NQO1: variants seen among roughly 807,000 people sequenced by gnomAD.
NQO1 encodes NAD(P)H dehydrogenase [quinone] 1.
NQO1 carries 30 observed loss-of-function variants against 32.1 expected under a neutral mutation model. That is an observed-to-expected ratio of 0.94 (90% CI 0.70 to 1.27). The LOEUF (loss-of-function observed/expected upper bound fraction) is 1.27. NQO1 is among the 50% of genes most tolerant of loss of function. NQO1 has a pLI of 0.00. For missense variants in NQO1, 276 were observed against 331.3 expected (o/e 0.83, Z 1.30); for synonymous variants, 109 against 119.7 (o/e 0.91, Z 0.59).
Position 69,710,071 on chromosome 16 carries a change from G to A in NQO1, c.*905C>T, listed in dbSNP as rs1293269514. On this transcript the variant is annotated 3_prime_UTR_variant, in exon 6 of 6. Coordinates refer to ENST00000320623, the MANE Select transcript of NQO1 (RefSeq NM_000903.3). ...GCAAGGGCCAGGTGTGGTGGATCAC[G>A]CCTGTAATCCCAGCACTTTGGGAGG... 1 of 278,334 alleles carries A rather than the reference G, an allele frequency of 3.6e-6. No homozygotes were observed. The highest frequency in any genetic ancestry group is 6.6e-6 in the Non-Finnish European group (1 of 150,692). The allele number at this position is 278,334 out of a possible 1,614,324, so 17.2% of individuals were successfully genotyped here. A position where few individuals can be genotyped will look rare whatever the true frequency, so the allele number is the denominator to read the frequency against.
rs1182699873 is a variant in NQO1, at chr16:69,709,927, A to G, written c.*1049T>C. ...AATTTGTATAGATCAGAAATAAAGTATTTTTTGTGGAAGACTATTTTTAAG... is the reference window on the plus strand; with the variant it reads ...AATTTGTATAGATCAGAAATAAAGTGTTTTTTGTGGAAGACTATTTTTAAG... On this transcript the variant is annotated 3_prime_UTR_variant, in exon 6 of 6. Coordinates refer to ENST00000320623, the MANE Select transcript of NQO1 (RefSeq NM_000903.3). 1.0e-5 allele frequency: 4 copies of G among 397,880 alleles called. No homozygotes were observed. Among genetic ancestry groups the G allele is most frequent in the Non-Finnish European group, 1.8e-5 (4 of 225,774 alleles). 24.6% of individuals were successfully genotyped at this position (397,880 alleles called of 1,614,324 possible). A position where few individuals can be genotyped will look rare whatever the true frequency, so the allele number is the denominator to read the frequency against.
chr16:69,717,990 A>T, intron 3 of NQO1, 133 bp downstream of exon 3: 1 of 1,253,312 alleles, frequency 8.0e-7, no homozygotes, highest in Non-Finnish European at 1.1e-6. Context: ...CTGCACCTTT[A>T]AAGTAATCAC....
At chr16:69,714,903 C>G in intron 4 of NQO1, 61 bp downstream of exon 4, 1 of 1,146,892 alleles carries the variant, frequency 8.7e-7, no homozygotes. Flanking sequence ...AACAAACACC[C>G]CTGCATCAGG....
At chr16:69,714,327 C>T (rs1227087364) in intron 4 of NQO1, among the ~76,000 whole-genome samples, 3 of 151,032 alleles carry the variant, frequency 2.0e-5, no homozygotes, top group African/African-American at 7.3e-5. Flanking sequence ...CCCGCCACCA[C>T]ACCCAGCTAA....
At chr16:69,713,685 C>T (rs1366271102) in intron 4 of NQO1, among the ~76,000 whole-genome samples, 1 of 151,640 alleles carries the variant, frequency 6.6e-6, no homozygotes, top group Non-Finnish European at 1.5e-5. Context: ...TTCTCTGGAG[C>T]GTTTTATTTT....
intron 1 of NQO1, among the ~76,000 whole-genome samples, chr16:69,723,695 G>A (rs1025306532): frequency 7.2e-5 from 11 of 151,868 alleles, no homozygotes; most frequent in Non-Finnish European, 1.2e-4. Context: ...CCAGCTAATC[G>A]GGAGGCTGAG....
At chr16:69,720,959 C>T (rs1270319648) in intron 1 of NQO1, among the ~76,000 whole-genome samples, 1 of 151,880 alleles carries the variant, frequency 6.6e-6, no homozygotes, top group Admixed American at 6.6e-5. Flanking sequence ...CAGGTCACTG[C>T]AGCCTTGACC....
intron 1 of NQO1, among the ~76,000 whole-genome samples, chr16:69,720,570 GC>G (rs2038176218): frequency 6.7e-6 from 1 of 149,012 alleles, no homozygotes; most frequent in African/African-American, 2.5e-5. Flanking sequence ...TCACTCTGTT[GC>G]CCAGGCTGGA....
At chr16:69,715,722 C>T (rs577770282) in intron 3 of NQO1, among the ~76,000 whole-genome samples, 10 of 152,262 alleles carry the variant, frequency 6.6e-5, no homozygotes, top group Admixed American at 3.3e-4. Context: ...GAGCCGAGAT[C>T]GTGCCACTGC....
chr16:69,726,302 GT>G, intron 1 of NQO1, 130 bp downstream of exon 1: 1 of 1,284,688 alleles, frequency 7.8e-7, no homozygotes, highest in Non-Finnish European at 1.1e-6. Context: ...CTCATCCCAG[GT>G]CCCTAATCTC....
chr16:69,715,153 G>A lies in NQO1; in HGVS notation c.304-76C>T, dbSNP rs557832488. On this transcript the variant is annotated intron_variant, in intron 3 of 5. Transcript: ENST00000320623. ...AGAAGGTGGCTCGGAGTGCTGAGCCGCTCCCCATGATGGCACTGTGTGGGA... is the reference window on the plus strand; with the variant it reads ...AGAAGGTGGCTCGGAGTGCTGAGCCACTCCCCATGATGGCACTGTGTGGGA... The A allele has an allele frequency of 5.9e-4, 599 of 1,019,512 alleles. 4 individuals are homozygous for A. The highest frequency in any genetic ancestry group is 4.5e-3 in the South Asian group (352 of 78,676). 63.2% of individuals were successfully genotyped at this position (1,019,512 alleles called of 1,614,324 possible).
Position 69,718,492 on chromosome 16 carries a change from G to A in NQO1, c.50C>T (p.Ser17Phe). ...LIVLAHSERT[S>F]FNYAMKEAAA... Reference sequence around the variant, plus strand: ...AGCCTCCTTCATGGCATAGTTGAAGGACGTCCTCTCTGAGTGAGCCAGTAC... The same window carrying A: ...AGCCTCCTTCATGGCATAGTTGAAGAACGTCCTCTCTGAGTGAGCCAGTAC... The change falls in exon 2 of 6, where the codon TCC becomes TTC. Residue 17 changes from serine to phenylalanine, a missense_variant. Ser to Phe is a radical substitution (Grantham distance 155, BLOSUM62 -2). Transcript: ENST00000320623. 6.2e-7 allele frequency: 1 copy of A among 1,614,062 alleles called. No individual in the cohort carries two copies.
chr16:69,710,973 A>G lies in NQO1; in HGVS notation c.*3T>C. ...GTTAGAAGGAAATCCAGGCTAAGGAATCTCATTTTCTAGCTTTGATCTGGT... is the reference window on the plus strand; with the variant it reads ...GTTAGAAGGAAATCCAGGCTAAGGAGTCTCATTTTCTAGCTTTGATCTGGT... On this transcript the variant is annotated 3_prime_UTR_variant, in exon 6 of 6. Coordinates refer to ENST00000320623, the MANE Select transcript of NQO1 (RefSeq NM_000903.3). 6.2e-7 allele frequency: 1 copy of G among 1,604,952 alleles called. No homozygotes were observed. Among genetic ancestry groups the G allele is most frequent in the Non-Finnish European group, 8.5e-7 (1 of 1,174,050 alleles).
rs1283535348 is a variant in NQO1, at chr16:69,711,081, T to G, written c.720A>C (p.Lys240Asn). 4 of 1,614,098 alleles carry G rather than the reference T, an allele frequency of 2.5e-6. No individual in the cohort carries two copies. The African/African-American group carries it at 5.3e-5, about 22-fold the overall frequency. Residue 240 changes from lysine (K) to asparagine (N), a missense_variant, in exon 6 of 6, where the codon AAA becomes AAC. By Grantham distance (94) the Lys-to-Asn change is moderately conservative. Coordinates refer to ENST00000320623, the MANE Select transcript of NQO1 (RefSeq NM_000903.3). ...DLNFQAGFLM[K>N]KEVQDEEKNK... ...TTTTCTCCTCATCCTGTACCTCTTTTTTCATTAAGAATCCTGCCTGGAAGT... is the reference window on the plus strand; with the variant it reads ...TTTTCTCCTCATCCTGTACCTCTTTGTTCATTAAGAATCCTGCCTGGAAGT...
At chr16:69,725,177 C>T (rs2038244508) in intron 1 of NQO1, among the ~76,000 whole-genome samples, 1 of 152,214 alleles carries the variant, frequency 6.6e-6, no homozygotes, top group African/African-American at 2.4e-5. Context: ...TAGTCCCTTT[C>T]TCAGAGATCC....
Position 69,710,774 on chromosome 16 carries a change from G to T in NQO1, c.*202C>A. The T allele has an allele frequency of 1.7e-6, 1 of 600,534 alleles. No individual in the cohort carries two copies. The allele number at this position is 600,534 out of a possible 1,614,324, so 37.2% of individuals were successfully genotyped here. ...CCTAAGTGGCCTCTTGAGCCCAGTC[G>T]GATTTTGGTTATATGCCATGATAGT... is the stretch of plus-strand genomic sequence containing the variant. On this transcript the variant is annotated 3_prime_UTR_variant, in exon 6 of 6. Transcript: ENST00000320623.
At chr16:69,725,904 A>C (rs1010138766) in intron 1 of NQO1, among the ~76,000 whole-genome samples, 1 of 112,254 alleles carries the variant, frequency 8.9e-6, no homozygotes, top group African/African-American at 3.3e-5. Flanking sequence ...AAAACAAAAC[A>C]AAACCTGTGC....
At position 69,710,817 on chromosome 16, in the gene NQO1, A is replaced by T; in HGVS notation, c.*159T>A. On this transcript the variant is annotated 3_prime_UTR_variant, in exon 6 of 6. Transcript: ENST00000320623. ...ATGATAGTAATCATAAGAATCAGTT[A>T]AAAATGATCCAAAAATGCACGAATA... is the stretch of plus-strand genomic sequence containing the variant. 1.2e-6 allele frequency: 1 copy of T among 839,212 alleles called. No homozygotes were observed. The highest frequency in any genetic ancestry group is 3.6e-4 in the Middle Eastern group (1 of 2,804). 52.0% of individuals were successfully genotyped at this position (839,212 alleles called of 1,614,324 possible). A position where few individuals can be genotyped will look rare whatever the true frequency, so the allele number is the denominator to read the frequency against.
chr16:69,725,253 T>G (rs2038245524), intron 1 of NQO1, among the ~76,000 whole-genome samples: 1 of 152,238 alleles, frequency 6.6e-6, no homozygotes, highest in South Asian at 2.1e-4. Flanking sequence ...CAAGATGGGC[T>G]TCTTTGTGTA....
Sources: gnomAD v4.1 joint callset for allele counts (sites outside exome capture counted in the v4.1 genomes callset) on GRCh38, gnomAD v4.1.1 for gene constraint, MANE v1.5 for transcripts, NCBI Gene and HGNC (gene_info 2026-07-23, HGNC 2026-07-21) for gene names.